ZNF536: variants seen among roughly 807,000 people sequenced by gnomAD.
The protein encoded by ZNF536 is zinc finger protein 536.
A neutral mutation model predicts 84.5 loss-of-function variants in ZNF536; 13 were observed. The ratio of observed to expected loss-of-function variants is 0.15; its 90% CI spans 0.10 to 0.24. The LOEUF (loss-of-function observed/expected upper bound fraction) is 0.24. ZNF536 is among the 10% of genes least tolerant of loss of function. ZNF536 has a pLI of 1.00. For missense variants in ZNF536, 1,536 were observed against 1,747.5 expected, an observed-to-expected ratio of 0.88 and a Z score of 2.16; for synonymous variants, 811 against 742.5, an observed-to-expected ratio of 1.09 and a Z score of -1.50.
At chr19:30,491,629 G>A (rs1568482729) in intron 2 of ZNF536, among the ~76,000 whole-genome samples, 1 of 152,104 alleles carries the variant, frequency 6.6e-6, no homozygotes, top group Non-Finnish European at 1.5e-5. Flanking sequence ...TAAAAATGGG[G>A]GAGAATGAAA....
chr19:30,289,619 T>A (rs186219988), intron 2 of ZNF536, among the ~76,000 whole-genome samples: 83 of 152,336 alleles, frequency 5.4e-4, no homozygotes, highest in Non-Finnish European at 1.0e-4. Flanking sequence ...TCTGTGTCTA[T>A]GCCTGGATGA....
chr19:30,323,884 C>T (rs763225774), intron 2 of ZNF536, among the ~76,000 whole-genome samples: 15 of 152,092 alleles, frequency 9.9e-5, no homozygotes, highest in Non-Finnish European at 2.2e-4. Context: ...CCTGTCTTCC[C>T]CTCAGTCAAC....
At chr19:30,488,251 T>G (rs996303128) in intron 2 of ZNF536, among the ~76,000 whole-genome samples, 2 of 152,182 alleles carry the variant, frequency 1.3e-5, no homozygotes, top group African/African-American at 4.8e-5. Flanking sequence ...AGCAGGCACT[T>G]TTAGTGTCTC....
chr19:30,619,247 A>T, intron 1 of ZNF536, among the ~76,000 whole-genome samples: 1 of 150,278 alleles, frequency 6.7e-6, no homozygotes, highest in Admixed American at 6.6e-5. Flanking sequence ...TTAAAACTTT[A>T]TTTTGTTTGA....
chr19:30,455,010 G>C (rs2052773280), intron 2 of ZNF536, among the ~76,000 whole-genome samples: 1 of 151,726 alleles, frequency 6.6e-6, no homozygotes, highest in Non-Finnish European at 1.5e-5. Context: ...TCCAGCCTGG[G>C]CAACAAGAGC....
In ZNF536 at chr19:30,481,196, C is replaced by A. The variant is rs565081850; in HGVS notation, c.2170+35464C>A. Among the ~76,000 whole-genome samples, 3 of 152,314 alleles carry A rather than the reference C, an allele frequency of 2.0e-5. No homozygotes were observed. The South Asian group carries it at 6.2e-4, about 32-fold the overall frequency. Reference sequence around the variant, plus strand: ...TCTTGTTTCCATGTTTTATTCAAATCATCAATCAATTAATCTATTCACTTA... The same window carrying A: ...TCTTGTTTCCATGTTTTATTCAAATAATCAATCAATTAATCTATTCACTTA... On this transcript the variant is annotated intron_variant, in intron 2 of 4. Transcript: ENST00000355537.
rs755695983 is a variant in ZNF536 at position 30,548,592 on chromosome 19, G to A, written c.2973G>A (p.Ser991=). The change falls in exon 4 of 5, where the codon TCG becomes TCA. Residue 991 remains serine, a synonymous_variant. Coordinates refer to ENST00000355537, the MANE Select transcript of ZNF536 (RefSeq NM_014717.3). ...ATGCCGCCTCCCTCCCGGGCTCCTCGGTAACTGTGCAGGACAGCATTGCAT... is the reference window on the plus strand; with the variant it reads ...ATGCCGCCTCCCTCCCGGGCTCCTCAGTAACTGTGCAGGACAGCATTGCAT... The part of the protein sequence containing the change: ...RPDAASLPGS[S]VTVQDSIAWH... The A allele has an allele frequency of 8.1e-6, 13 of 1,613,980 alleles. No homozygotes were observed. Among genetic ancestry groups the A allele is most frequent in the Middle Eastern group, 3.3e-4 (2 of 6,082 alleles).
At chr19:30,563,060 G>A (rs905152016) in intron 1 of ZNF536, among the ~76,000 whole-genome samples, 2 of 152,092 alleles carry the variant, frequency 1.3e-5, no homozygotes, top group South Asian at 2.1e-4. Context: ...GGAGGTTGTC[G>A]AGTCACCCTC....
chr19:30,443,781 C>T lies in ZNF536; in HGVS notation c.219C>T (p.Ser73=). 29 of 1,612,724 alleles carry T rather than the reference C, an allele frequency of 1.8e-5. No homozygotes were observed. The highest frequency in any genetic ancestry group is 2.5e-5 in the Non-Finnish European group (29 of 1,179,434). The part of the protein sequence containing the change: ...SLEEKAHVPM[S]GQPMGSQMAL... ...AGGAGAAGGCCCACGTGCCCATGAGCGGCCAGCCCATGGGCAGTCAGATGG... is the reference window on the plus strand; with the variant it reads ...AGGAGAAGGCCCACGTGCCCATGAGTGGCCAGCCCATGGGCAGTCAGATGG... Residue 73 remains serine, a synonymous_variant, in exon 2 of 5, where the codon AGC becomes AGT. Coordinates refer to ENST00000355537, the MANE Select transcript of ZNF536 (RefSeq NM_014717.3).
chr19:30,321,254 A>G (rs2046845165), intron 2 of ZNF536, among the ~76,000 whole-genome samples: 1 of 152,174 alleles, frequency 6.6e-6, no homozygotes, highest in Non-Finnish European at 1.5e-5. Context: ...CACCATGCTC[A>G]TAGTTTAAAA....
At chr19:30,450,435 C>T (rs1026831766) in intron 2 of ZNF536, among the ~76,000 whole-genome samples, 6 of 152,212 alleles carry the variant, frequency 3.9e-5, no homozygotes, top group African/African-American at 1.2e-4. Context: ...AGGCTTCTTC[C>T]TCCTGTTCCA....
At chr19:30,413,887 C>T (rs372438577) in intron 1 of ZNF536, among the ~76,000 whole-genome samples, 2 of 151,828 alleles carry the variant, frequency 1.3e-5, no homozygotes, top group African/African-American at 2.4e-5. Context: ...GTCAGGAGTT[C>T]GAGACCAGCC....
chr19:30,597,857 A>G (rs574712945), intron 1 of ZNF536, among the ~76,000 whole-genome samples: 14 of 151,666 alleles, frequency 9.2e-5, no homozygotes, highest in African/African-American at 3.4e-4. Flanking sequence ...TGTCGTATGC[A>G]TGTTGTTATT....
At chr19:30,640,923 A>G (rs1190377662) in intron 1 of ZNF536, among the ~76,000 whole-genome samples, 1 of 152,228 alleles carries the variant, frequency 6.6e-6, no homozygotes, top group Non-Finnish European at 1.5e-5. Context: ...TTTGGTATGA[A>G]GGCCCTGTCT....
chr19:30,631,365 C>T (rs1165888835), intron 1 of ZNF536, among the ~76,000 whole-genome samples: 1 of 152,162 alleles, frequency 6.6e-6, no homozygotes, highest in Non-Finnish European at 1.5e-5. Context: ...TTCACCATGG[C>T]TGAGCCGAGA....
chr19:30,452,505 T>C (rs967245505), intron 2 of ZNF536, among the ~76,000 whole-genome samples: 6 of 152,232 alleles, frequency 3.9e-5, no homozygotes, highest in Admixed American at 3.9e-4. Flanking sequence ...CAACAAGGCC[T>C]GTTATACTGG....
intron 1 of ZNF536, among the ~76,000 whole-genome samples, chr19:30,258,659 A>C (rs1376799179): frequency 1.3e-5 from 2 of 151,866 alleles, no homozygotes; most frequent in African/African-American, 4.8e-5. Flanking sequence ...TTAGTACATA[A>C]GTCATATGTA....
chr19:30,418,559 C>A lies in ZNF536; in HGVS notation c.-2-25002C>A, dbSNP rs534870261. On this transcript the variant is annotated intron_variant, in intron 1 of 4. Transcript: ENST00000355537. ...TTCCTCATAAGATGTTAAATAGCAT[C>A]TTTACTCACTTCAATTACATTTTTG... Among the ~76,000 whole-genome samples, 9 of 152,242 alleles carry A rather than the reference C, an allele frequency of 5.9e-5. No individual in the cohort carries two copies. In the East Asian group the frequency reaches 1.7e-3, roughly 29 times the overall value.
chr19:30,517,172 G>T (rs1257690850), intron 2 of ZNF536, among the ~76,000 whole-genome samples: 1 of 152,192 alleles, frequency 6.6e-6, no homozygotes, highest in African/African-American at 2.4e-5. Context: ...AAGGGTATTT[G>T]CTATCACTTG....
Sources: allele counts gnomAD v4.1 joint callset (sites outside exome capture counted in the v4.1 genomes callset), GRCh38; gene constraint gnomAD v4.1.1; transcripts MANE v1.5; gene names NCBI Gene and HGNC (gene_info 2026-07-23, HGNC 2026-07-21).